The following IMPG1 variants were observed in gnomAD, a reference collection of about 807,000 sequenced individuals.
IMPG1 encodes interphotoreceptor matrix proteoglycan of 150 kDa.
Under a neutral mutation model 92.0 loss-of-function variants are expected in IMPG1, and 85 were observed. That is an observed-to-expected ratio of 0.92 (90% CI 0.78 to 1.11). The LOEUF (loss-of-function observed/expected upper bound fraction) is 1.11, where lower values mean the gene tolerates loss of function less well. Among genes scored for constraint, IMPG1 ranks in the 50% least tolerant of loss-of-function variants. The pLI is 0.00. For missense variants in IMPG1, 1,022 were observed against 956.0 expected, an observed-to-expected ratio of 1.07 and a Z score of -0.91; for synonymous variants, 367 against 334.1, an observed-to-expected ratio of 1.10 and a Z score of -1.08.
At chr6:75,974,404 C>CATTG (rs1562354924) in intron 12 of IMPG1, among the ~76,000 whole-genome samples, 1 of 107,976 alleles carries the variant, frequency 9.3e-6, no homozygotes, top group Non-Finnish European at 1.9e-5. Context: ...TTCTTTCTTT[C>CATTG]CTTCCTTCCT....
At chr6:76,042,960 A>C (rs1004090601) in intron 1 of IMPG1, among the ~76,000 whole-genome samples, 21 of 152,240 alleles carry the variant, frequency 1.4e-4, no homozygotes, top group African/African-American at 4.8e-4. Context: ...ACATCGATGA[A>C]ACATATCATT....
chr6:75,988,173 T>C (rs1782753219), intron 12 of IMPG1, among the ~76,000 whole-genome samples: 1 of 152,190 alleles, frequency 6.6e-6, no homozygotes, highest in Non-Finnish European at 1.5e-5. Flanking sequence ...TATTTCTAGT[T>C]CTAGATCCTT....
chr6:75,977,115 A>C (rs1270064091), intron 12 of IMPG1, among the ~76,000 whole-genome samples: 2 of 152,214 alleles, frequency 1.3e-5, no homozygotes, highest in Non-Finnish European at 2.9e-5. Context: ...TTTAAGATAT[A>C]AAACATACAA....
intron 12 of IMPG1, among the ~76,000 whole-genome samples, chr6:75,996,346 A>G (rs1382355488): frequency 6.6e-6 from 1 of 152,238 alleles, no homozygotes; most frequent in Admixed American, 6.5e-5. Context: ...TGCTTGGTAC[A>G]CACTATTATC....
chr6:75,945,861 T>C (rs546070170), intron 14 of IMPG1, among the ~76,000 whole-genome samples: 72 of 152,284 alleles, frequency 4.7e-4, no homozygotes, highest in African/African-American at 1.7e-3. Context: ...GAGAAGCTGC[T>C]CCCTACAGCC....
At chr6:76,054,597 A>G (rs1448478217) in intron 1 of IMPG1, among the ~76,000 whole-genome samples, 3 of 152,198 alleles carry the variant, frequency 2.0e-5, no homozygotes, top group South Asian at 2.1e-4. Context: ...AAGCTGATAT[A>G]TTAAAATCAA....
chr6:76,001,866 T>G (rs1448800930), intron 12 of IMPG1, among the ~76,000 whole-genome samples: 1 of 152,230 alleles, frequency 6.6e-6, no homozygotes, highest in Admixed American at 6.5e-5. Context: ...TAACATTTAT[T>G]CACTGATAAT....
At chr6:75,967,353 G>A (rs1167285318) in intron 12 of IMPG1, among the ~76,000 whole-genome samples, 1 of 152,132 alleles carries the variant, frequency 6.6e-6, no homozygotes, top group East Asian at 1.9e-4. Flanking sequence ...GGTGGGTTGG[G>A]GGTGAGAAGG....
Position 75,951,084 on chromosome 6 carries a change from C to T in IMPG1, c.1302G>A (p.Trp434Ter), listed in dbSNP as rs963760183. 1.2e-6 allele frequency: 2 copies of T among 1,604,500 alleles called. No homozygotes were observed. The highest frequency in any genetic ancestry group is 1.3e-5 in the African/African-American group (1 of 74,578). The change falls in exon 13 of 17, where the codon TGG becomes TGA. Residue 434 changes from tryptophan (W) to a stop codon, truncating the protein, a stop_gained. Transcript: ENST00000369950. LOFTEE classifies it high-confidence loss of function. ...GAEHGLPDTS[W>*]SPPAMASTSL... ...AGGTAGAGGCCATAGCAGGTGGAGA[C>T]CAAGAAGTGTCTGTGGAGGAAGTAC...
chr6:76,012,004 TATG>T (rs1783194248), intron 7 of IMPG1, among the ~76,000 whole-genome samples: 1 of 152,042 alleles, frequency 6.6e-6, no homozygotes, highest in Admixed American at 6.6e-5. Context: ...ATATTTTAGC[TATG>T]ATATTTTCTG....
In IMPG1 at chr6:75,950,734, GT is replaced by G. The variant is rs2149457512; in HGVS notation, c.1651del (p.Thr551LeufsTer14). On this transcript the variant is annotated frameshift_variant, in exon 13 of 17. Coordinates refer to ENST00000369950, the MANE Select transcript of IMPG1 (RefSeq NM_001563.4). LOFTEE classifies it high-confidence loss of function. ...SVPDHFLEDT[T>X]PVSALQYITT... is the part of the protein sequence containing the mutation. Reference sequence around the variant, plus strand: ...GATATACTGTAAAGCTGAGACAGGAGTGGTATCCTCCAAGAAATGATCTGGG... The same window carrying G: ...GATATACTGTAAAGCTGAGACAGGAGGGTATCCTCCAAGAAATGATCTGGG... 10 of 1,613,998 alleles carry G rather than the reference GT, an allele frequency of 6.2e-6. No individual in the cohort carries two copies. Among genetic ancestry groups the G allele is most frequent in the Non-Finnish European group, 8.5e-6 (10 of 1,179,888 alleles).
At chr6:75,953,143 G>T (rs557723293) in intron 12 of IMPG1, among the ~76,000 whole-genome samples, 1 of 152,220 alleles carries the variant, frequency 6.6e-6, no homozygotes, top group South Asian at 2.1e-4. Context: ...TCTTCATTTT[G>T]CTCTTTCACC....
intron 12 of IMPG1, among the ~76,000 whole-genome samples, chr6:75,974,661 G>A (rs2149467201): frequency 6.6e-6 from 1 of 150,968 alleles, no homozygotes; most frequent in South Asian, 2.1e-4. Context: ...GAGATGGGGT[G>A]CCTGCAACCA....
At chr6:76,071,266 A>G (rs1307205405) in intron 1 of IMPG1, among the ~76,000 whole-genome samples, 1 of 150,144 alleles carries the variant, frequency 6.7e-6, no homozygotes, top group Non-Finnish European at 1.5e-5. Flanking sequence ...TAACAGAATT[A>G]ATGTAACAAA....
At chr6:75,986,652 C>A (rs1376077681) in intron 12 of IMPG1, among the ~76,000 whole-genome samples, 2 of 151,940 alleles carry the variant, frequency 1.3e-5, no homozygotes, top group Non-Finnish European at 2.9e-5. Flanking sequence ...TGAAATATAT[C>A]ATTACTGGAA....
chr6:75,948,015 C>T (rs911654059), intron 13 of IMPG1, among the ~76,000 whole-genome samples: 8 of 152,206 alleles, frequency 5.3e-5, no homozygotes, highest in Non-Finnish European at 7.3e-5. Flanking sequence ...TGTCTCTCTA[C>T]GCAGTAAATA....
intron 12 of IMPG1, among the ~76,000 whole-genome samples, chr6:75,957,374 A>G (rs1432374842): frequency 1.3e-5 from 2 of 152,212 alleles, no homozygotes; most frequent in African/African-American, 4.8e-5. Flanking sequence ...GCTGAGAAGA[A>G]TGTATATTCT....
chr6:76,048,953 GC>G (rs1236427332), intron 1 of IMPG1, among the ~76,000 whole-genome samples: 2 of 152,162 alleles, frequency 1.3e-5, no homozygotes, highest in Non-Finnish European at 2.9e-5. Flanking sequence ...CAACCTAAAT[GC>G]CCATCAGTGA....
intron 7 of IMPG1, among the ~76,000 whole-genome samples, chr6:76,013,149 C>T (rs937205143): frequency 5.3e-5 from 8 of 152,084 alleles, no homozygotes; most frequent in African/African-American, 1.7e-4. Flanking sequence ...TCCTTGACTA[C>T]ATTTATTCTG....
Sources: gnomAD v4.1 joint callset for allele counts (sites outside exome capture counted in the v4.1 genomes callset) on GRCh38, gnomAD v4.1.1 for gene constraint, MANE v1.5 for transcripts, NCBI Gene and HGNC (gene_info 2026-07-23, HGNC 2026-07-21) for gene names.